MSLN: variants seen among roughly 807,000 people sequenced by gnomAD.
MSLN encodes the protein CAK1 antigen.
In MSLN, 82 loss-of-function variants were observed where a neutral mutation model predicts 72.6. The observed-to-expected ratio is 1.13, with a 90% CI of 0.94 to 1.36. The LOEUF is 1.36. MSLN is among the 40% of genes most tolerant of loss of function. The pLI is 0.00. For missense variants in MSLN, 1,005 were observed against 847.9 expected, an observed-to-expected ratio of 1.19 and a Z score of -2.30; for synonymous variants, 456 against 387.3, an observed-to-expected ratio of 1.18 and a Z score of -2.08.
At chr16:762,183 G>A (rs1223140735) in intron 2 of MSLN, among the ~76,000 whole-genome samples, 2 of 152,212 alleles carry the variant, frequency 1.3e-5, no homozygotes, top group Non-Finnish European at 2.9e-5. Context: ...TGCCCGCAGT[G>A]CCCCTCCTGC....
chr16:763,944 G>A, intron 5 of MSLN, 79 bp from the exon 6 acceptor site: 1 of 1,564,464 alleles, frequency 6.4e-7, no homozygotes, highest in African/African-American at 1.3e-5. Context: ...GAGAGGTGGG[G>A]CTGTGGGGCT....
At chr16:767,131 A>C in intron 15 of MSLN, 119 bp downstream of exon 15, 2 of 1,498,996 alleles carry the variant, frequency 1.3e-6, no homozygotes, top group East Asian at 4.6e-5. Flanking sequence ...CTGGGTGGTC[A>C]CCCGCCCTCT....
intron 9 of MSLN, 35 bp from the exon 10 acceptor site, chr16:765,491 TG>T (rs1567357535): frequency 6.4e-6 from 10 of 1,570,416 alleles, no homozygotes; most frequent in African/African-American, 1.3e-5. Flanking sequence ...GGGCTGCACG[TG>T]GGGGGTCCCT....
In MSLN at chr16:765,703, G is replaced by C. The variant is rs748657578; in HGVS notation, c.808G>C (p.Ala270Pro). The C allele has an allele frequency of 1.9e-6, 3 of 1,600,862 alleles. No individual in the cohort carries two copies. In the South Asian group the frequency reaches 3.3e-5, roughly 18 times the overall value. Reference sequence around the variant, plus strand: ...TGCTCGTCCTCAGGGCATCGTGGCCGCGTGGCGGCAACGCTCCTCTCGGGA... The same window carrying C: ...TGCTCGTCCTCAGGGCATCGTGGCCCCGTGGCGGCAACGCTCCTCTCGGGA... Reference protein sequence around the residue: ...IRSIPQGIVAAWRQRSSRDPS... With the variant: ...IRSIPQGIVAPWRQRSSRDPS... Residue 270 changes from alanine (A) to proline (P), a missense_variant, in exon 11 of 18, where the codon GCG becomes CCG. Physicochemically the swap from Ala to Pro is conservative, Grantham distance 27. Transcript: ENST00000545450.
Position 768,698 on chromosome 16 carries a change from G to T in MSLN, c.1834G>T (p.Val612Phe). ...CCTAGGACCTGGACCTGTTCTCACCGTCCTGGCACTGCTCCTAGCCTCCAC... is the reference window on the plus strand; with the variant it reads ...CCTAGGACCTGGACCTGTTCTCACCTTCCTGGCACTGCTCCTAGCCTCCAC... ...CLLGPGPVLTVLALLLASTLA is the reference protein window; with the variant it reads ...CLLGPGPVLTFLALLLASTLA Residue 612 changes from valine (V) to phenylalanine (F), a missense_variant, in exon 18 of 18, where the codon GTC (valine) becomes TTC (phenylalanine). Transcript: ENST00000545450. 3 of 1,610,976 alleles carry T rather than the reference G, an allele frequency of 1.9e-6. No homozygotes were observed. The highest frequency in any genetic ancestry group is 2.5e-6 in the Non-Finnish European group (3 of 1,179,526).
rs756890664 is a variant in MSLN at position 765,683 on chromosome 16, G to A, written c.796-8G>A. ...CCGAGGCTCAGCCCAGGTCCTGCTC[G>A]TCCTCAGGGCATCGTGGCCGCGTGG... is the stretch of plus-strand genomic sequence containing the variant. On this transcript the variant is annotated splice_polypyrimidine_tract_variant and splice_region_variant and intron_variant, in intron 10 of 17. Coordinates refer to ENST00000545450, the MANE Select transcript of MSLN (RefSeq NM_005823.6). 35 of 1,600,410 alleles carry A rather than the reference G, an allele frequency of 2.2e-5. No individual in the cohort carries two copies. The South Asian group carries it at 2.2e-4, about 10-fold the overall frequency.
In MSLN at chr16:765,159, G is replaced by T; in HGVS notation, c.560G>T (p.Gly187Val). 1.2e-6 allele frequency: 2 copies of T among 1,602,574 alleles called. No homozygotes were observed. Among genetic ancestry groups the T allele is most frequent in the African/African-American group, 1.3e-5 (1 of 75,022 alleles). Residue 187 changes from glycine to valine, a missense_variant, in exon 9 of 18, where the codon GGC becomes GTC. Gly to Val is a moderately radical substitution (Grantham distance 109, BLOSUM62 -3). Transcript: ENST00000545450. The stretch of plus-strand genomic sequence containing the variant: ...GAGGCTGATGTGCGGGCTCTGGGAG[G>T]CCTGGCTTGCGACCTGCCTGGGCGC... ...LSEADVRALG[G>V]LACDLPGRFV...
chr16:768,212 A>C (rs2041665864), intron 16 of MSLN, among the ~76,000 whole-genome samples, 167 bp from the exon 17 acceptor site: 1 of 151,580 alleles, frequency 6.6e-6, no homozygotes, highest in African/African-American at 2.4e-5. Context: ...GGCCTAGGGA[A>C]GGGCAGCCAT....
rs376496140 is a variant in MSLN, at chr16:768,598, A to G, written c.1783+33A>G. Reference sequence around the variant, plus strand: ...GGGCGGCCAGGCCAGGGCTGGGGGCAGAGCTGGGGGCGTGGAGGTGGGCGC... The same window carrying G: ...GGGCGGCCAGGCCAGGGCTGGGGGCGGAGCTGGGGGCGTGGAGGTGGGCGC... On this transcript the variant is annotated intron_variant, in intron 17 of 17. Transcript: ENST00000545450. 5.0e-6 allele frequency: 8 copies of G among 1,607,216 alleles called. No homozygotes were observed. The African/African-American group carries it at 8.1e-5, about 16-fold the overall frequency.
At chr16:763,402 A>T (rs2041561304) in intron 4 of MSLN, 126 bp downstream of exon 4, 1 of 914,206 alleles carries the variant, frequency 1.1e-6, no homozygotes, top group African/African-American at 1.7e-5. Context: ...GCAAAGGGGC[A>T]CCTGGACCTG....
intron 6 of MSLN, 76 bp from the exon 7 acceptor site, chr16:764,571 G>C (rs2041578471): frequency 8.0e-7 from 1 of 1,247,648 alleles, no homozygotes; most frequent in Non-Finnish European, 1.2e-6. Flanking sequence ...GTGGTGGGCA[G>C]ACTGGCCAGG....
rs778031753 is a variant in MSLN, at chr16:766,979, T to A, written c.1468T>A (p.Ser490Thr). The change falls in exon 15 of 18, where the codon TCC becomes ACC. Residue 490 changes from serine (S) to threonine (T), a missense_variant. Transcript: ENST00000545450. ...CCTTGCTTTCCAGAACATGAACGGG[T>A]CCGAATACTTCGTGAAGATCCAGTC... ...ARLAFQNMNG[S>T]EYFVKIQSFL... is the part of the protein sequence containing the mutation. 9 of 1,612,430 alleles carry A rather than the reference T, an allele frequency of 5.6e-6. No individual in the cohort carries two copies. The African/African-American group carries it at 9.3e-5, about 17-fold the overall frequency.
intron 14 of MSLN, 32 bp downstream of exon 14, chr16:766,842 G>C: frequency 6.2e-7 from 1 of 1,612,246 alleles, no homozygotes; most frequent in South Asian, 1.1e-5. Flanking sequence ...CGGCAAGGTG[G>C]GTCCGTGTGC....
At position 764,150 on chromosome 16, in the gene MSLN, C is replaced by T. The variant is rs992227865; in HGVS notation, c.300+7C>T. 1 of 1,600,404 alleles carries T rather than the reference C, an allele frequency of 6.2e-7. No individual in the cohort carries two copies. The highest frequency in any genetic ancestry group is 1.7e-5 in the Admixed American group (1 of 59,928). On this transcript the variant is annotated splice_region_variant and intron_variant, in intron 6 of 17. Coordinates refer to ENST00000545450, the MANE Select transcript of MSLN (RefSeq NM_005823.6). ...CAAGCTCTCAACAGAGCAGGTCAGT[C>T]TCAGTTGGGCTGAGGCAGGTGGGCA...
intron 6 of MSLN, among the ~76,000 whole-genome samples, 186 bp from the exon 7 acceptor site, chr16:764,461 G>A (rs2041577075): frequency 6.6e-6 from 1 of 152,186 alleles, no homozygotes; most frequent in African/African-American, 2.4e-5. Flanking sequence ...TGGGGAAGGG[G>A]AGCGGAGCCA....
At chr16:763,323 TG>T in intron 4 of MSLN, 47 bp downstream of exon 4, 1 of 1,438,120 alleles carries the variant, frequency 7.0e-7, no homozygotes, top group African/African-American at 1.4e-5. Context: ...AGGTCCCAGG[TG>T]GGGGTGCCAT....
In MSLN at chr16:764,155, T is replaced by C. The variant is rs2041573222; in HGVS notation, c.300+12T>C. On this transcript the variant is annotated intron_variant, in intron 6 of 17. Coordinates refer to ENST00000545450, the MANE Select transcript of MSLN (RefSeq NM_005823.6). ...TCTCAACAGAGCAGGTCAGTCTCAGTTGGGCTGAGGCAGGTGGGCACAGCT... is the reference window on the plus strand; with the variant it reads ...TCTCAACAGAGCAGGTCAGTCTCAGCTGGGCTGAGGCAGGTGGGCACAGCT... 6.3e-7 allele frequency: 1 copy of C among 1,599,378 alleles called. No individual in the cohort carries two copies. Among genetic ancestry groups the C allele is most frequent in the Admixed American group, 1.7e-5 (1 of 59,888 alleles).
Position 768,844 on chromosome 16 carries a change from A to C in MSLN, c.*111A>C. The C allele has an allele frequency of 9.8e-7, 1 of 1,025,130 alleles. No homozygotes were observed. Among genetic ancestry groups the C allele is most frequent in the Non-Finnish European group, 1.5e-6 (1 of 679,626 alleles). The allele number at this position is 1,025,130 out of a possible 1,614,324, so 63.5% of individuals were successfully genotyped here. On this transcript the variant is annotated 3_prime_UTR_variant, in exon 18 of 18. Transcript: ENST00000545450. ...AGAGAACTCGCGCTCAGTAAACGGGAACATGCCCCCTGCAGACACGTCTTG... is the reference window on the plus strand; with the variant it reads ...AGAGAACTCGCGCTCAGTAAACGGGCACATGCCCCCTGCAGACACGTCTTG...
At position 766,470 on chromosome 16, in the gene MSLN, G is replaced by A; in HGVS notation, c.1210G>A (p.Gly404Arg). Residue 404 changes from glycine (G) to arginine (R), a missense_variant, in exon 13 of 18, where the codon GGG (glycine) becomes AGG (arginine). Physicochemically the swap from Gly to Arg is moderately radical, Grantham distance 125. Transcript: ENST00000545450. ...TLKALLEVNKGHEMSPQVATL... is the reference protein window; with the variant it reads ...TLKALLEVNKRHEMSPQVATL... The stretch of plus-strand genomic sequence containing the variant: ...GAAGGCTTTGCTTGAAGTCAACAAA[G>A]GGCACGAAATGAGTCCTCAGGTGAC... 6.2e-6 allele frequency: 10 copies of A among 1,612,660 alleles called. No individual in the cohort carries two copies. Among genetic ancestry groups the A allele is most frequent in the Non-Finnish European group, 7.6e-6 (9 of 1,179,896 alleles).
Sources: gnomAD v4.1 joint callset for allele counts (sites outside exome capture counted in the v4.1 genomes callset) on GRCh38, gnomAD v4.1.1 for gene constraint, MANE v1.5 for transcripts, NCBI Gene and HGNC (gene_info 2026-07-23, HGNC 2026-07-21) for gene names.